Variants in KIF21B observed in about 807,000 individuals in gnomAD.
KIF21B encodes kinesin family member 21B.
A neutral mutation model predicts 192.9 loss-of-function variants in KIF21B; 85 were observed. That is an observed-to-expected ratio of 0.44 (90% CI 0.37 to 0.53). The LOEUF is 0.53. Ranked by LOEUF, KIF21B falls within the 20% of genes least tolerant of loss-of-function variation. The probability of loss-of-function intolerance (pLI) is 0.00; values close to 1 mark genes in which losing one functional copy is unlikely to be tolerated. For synonymous variants in KIF21B, 832 were observed against 884.6 expected, an observed-to-expected ratio of 0.94 and a Z score of 1.05; for missense variants, 1,716 against 2,194.8, an observed-to-expected ratio of 0.78 and a Z score of 4.36.
rs778810226 is a variant in KIF21B at position 200,981,100 on chromosome 1, C to A, written c.3843-4G>T. On this transcript the variant is annotated splice_region_variant and splice_polypyrimidine_tract_variant and intron_variant, in intron 28 of 34. Coordinates refer to ENST00000461742, the MANE Select transcript of KIF21B (RefSeq NM_001252102.2). Reference sequence around the variant, plus strand: ...TCCAACCGGGGAGATGATGCCCCTTCCCGGGAGAGAGGGAGAGAAGGCATG... The same window carrying A: ...TCCAACCGGGGAGATGATGCCCCTTACCGGGAGAGAGGGAGAGAAGGCATG... The A allele has an allele frequency of 6.3e-7, 1 of 1,580,368 alleles. No homozygotes were observed. The highest frequency in any genetic ancestry group is 2.3e-5 in the East Asian group (1 of 42,780).
chr1:201,017,482 C>T lies in KIF21B; in HGVS notation c.41+5861G>A, dbSNP rs1658574437. Among the ~76,000 whole-genome samples, 1 of 152,218 alleles carries T rather than the reference C, an allele frequency of 6.6e-6. No individual in the cohort carries two copies. Among genetic ancestry groups the T allele is most frequent in the Admixed American group, 6.5e-5 (1 of 15,288 alleles). The stretch of plus-strand genomic sequence containing the variant: ...CCCACCCCCATCTCAGGGCATCTGG[C>T]AGGGGTTTCCCATGACCTCCCCAGA... On this transcript the variant is annotated intron_variant, in intron 1 of 34. Coordinates refer to ENST00000461742, the MANE Select transcript of KIF21B (RefSeq NM_001252102.2). The surrounding 1 kb of genome is among the most constrained non-coding windows in gnomAD (Gnocchi z 4.1).
In KIF21B at chr1:200,990,809, C is replaced by T. The variant is rs1490075412; in HGVS notation, c.2688-86G>A. On this transcript the variant is annotated intron_variant, in intron 18 of 34. Transcript: ENST00000461742. The surrounding 1 kb of genome is among the most constrained non-coding windows in gnomAD (Gnocchi z 5.4). ...AGCCCCCATCTGGAGCTGACAGCCA[C>T]GGGGACCCGGAGCACTCCCCAGAGC... 6.9e-6 allele frequency: 11 copies of T among 1,592,550 alleles called. No homozygotes were observed. In the Admixed American group the frequency reaches 1.0e-4, roughly 15 times the overall value.
chr1:201,012,896 G>A (rs1283713030), intron 1 of KIF21B, among the ~76,000 whole-genome samples: 4 of 151,998 alleles, frequency 2.6e-5, no homozygotes, highest in Non-Finnish European at 5.9e-5. Flanking sequence ...CTCCCACCTC[G>A]GCCTCCCAAA....
chr1:200,973,581 G>C lies in KIF21B; in HGVS notation c.4815-3C>G. On this transcript the variant is annotated splice_polypyrimidine_tract_variant and splice_region_variant and intron_variant, in intron 34 of 34. Transcript: ENST00000461742. Reference sequence around the variant, plus strand: ...TCCAGAACTTCACCGTCAGGTCACTGGGGTGGAGGACAAAGTGGAGGGGTG... The same window carrying C: ...TCCAGAACTTCACCGTCAGGTCACTCGGGTGGAGGACAAAGTGGAGGGGTG... The C allele has an allele frequency of 6.6e-7, 1 of 1,520,990 alleles. No homozygotes were observed. Among genetic ancestry groups the C allele is most frequent in the Non-Finnish European group, 8.8e-7 (1 of 1,142,344 alleles). The allele number at this position is 1,520,990 out of a possible 1,614,324, so 94.2% of individuals were successfully genotyped here. A position where few individuals can be genotyped will look rare whatever the true frequency, so the allele number is the denominator to read the frequency against.
chr1:200,985,866 CAGTG>C (rs1656268223), intron 26 of KIF21B, among the ~76,000 whole-genome samples: 1 of 138,858 alleles, frequency 7.2e-6, no homozygotes, highest in African/African-American at 2.7e-5. Context: ...CTTTCTGAGA[CAGTG>C]AGTCTCACAC....
intron 3 of KIF21B, 151 bp downstream of exon 3, chr1:201,008,618 G>T (rs1021154577): frequency 7.9e-6 from 6 of 762,204 alleles, no homozygotes; most frequent in Non-Finnish European, 1.3e-5. Flanking sequence ...TCCAGCCCTT[G>T]CTTGGATTCT....
At chr1:200,996,007 T>G (rs1657036653) in intron 15 of KIF21B, among the ~76,000 whole-genome samples, 189 bp downstream of exon 15, 1 of 152,150 alleles carries the variant, frequency 6.6e-6, no homozygotes, top group Non-Finnish European at 1.5e-5. Context: ...GCAGGGTGTT[T>G]CACCTTGGAC....
In KIF21B at chr1:200,989,982, C is replaced by G; in HGVS notation, c.3092G>C (p.Arg1031Pro). 1.2e-6 allele frequency: 2 copies of G among 1,614,020 alleles called. No individual in the cohort carries two copies. The highest frequency in any genetic ancestry group is 1.7e-6 in the Non-Finnish European group (2 of 1,180,012). ...CTTGAGGAAGTTGTCTAGCAGGAGG[C>G]GGGCTTCAGCCAGGGAGCAGGAGCT... ...VISSCSLAEA[R>P]LLLDNFLKAS... Residue 1031 changes from arginine (R) to proline (P), a missense_variant, in exon 21 of 35, where the codon CGC (arginine) becomes CCC (proline). Physicochemically the swap from Arg to Pro is moderately radical, Grantham distance 103. Transcript: ENST00000461742.
In KIF21B at chr1:200,975,463, C is replaced by T. The variant is rs1557994958; in HGVS notation, c.4614+36G>A. On this transcript the variant is annotated intron_variant, in intron 33 of 34. Transcript: ENST00000461742. This position sits in a 1 kb window ranked among gnomAD's most constrained non-coding sequence, Gnocchi z 4.3. Reference sequence around the variant, plus strand: ...TGCGTGGGCTATGGAAACCACCCTACCCGAGTCTACCCTCTCCCTTTCCTC... The same window carrying T: ...TGCGTGGGCTATGGAAACCACCCTATCCGAGTCTACCCTCTCCCTTTCCTC... 2 of 1,580,602 alleles carry T rather than the reference C, an allele frequency of 1.3e-6. No homozygotes were observed. Among genetic ancestry groups the T allele is most frequent in the Non-Finnish European group, 1.7e-6 (2 of 1,156,862 alleles).
intron 15 of KIF21B, among the ~76,000 whole-genome samples, chr1:200,992,816 C>A (rs575497703): frequency 1.3e-5 from 2 of 152,362 alleles, no homozygotes; most frequent in Non-Finnish European, 2.9e-5. Context: ...TCAGGGCCCT[C>A]ATGGCCAGGC....
In KIF21B at chr1:200,999,375, T is replaced by C. The variant is rs755560786; in HGVS notation, c.1859A>G (p.Asp620Gly). ...CTTCTCCTCGGGGTCTGAGTCTGAGTCCACCAGGCTCTCTTCACTGCCCGA... is the reference window on the plus strand; with the variant it reads ...CTTCTCCTCGGGGTCTGAGTCTGAGCCCACCAGGCTCTCTTCACTGCCCGA... The part of the protein sequence containing the change: ...EDSGSEESLV[D>G]SDSDPEEKEV... The change falls in exon 13 of 35, where the codon GAC (aspartate) becomes GGC (glycine). Residue 620 changes from aspartate to glycine, a missense_variant. Around this residue, in one of 3 missense-constraint regions of KIF21B, gnomAD observed 1,087 missense variants for 1,316.6 expected, o/e 0.83. Coordinates refer to ENST00000461742, the MANE Select transcript of KIF21B (RefSeq NM_001252102.2). The surrounding 1 kb of genome is among the most constrained non-coding windows in gnomAD (Gnocchi z 4.7). The C allele has an allele frequency of 1.1e-5, 17 of 1,614,034 alleles. No individual in the cohort carries two copies. The highest frequency in any genetic ancestry group is 1.4e-5 in the Non-Finnish European group (17 of 1,180,002).
chr1:200,990,931 G>A lies in KIF21B; in HGVS notation c.2673C>T (p.Gly891=), dbSNP rs143940329. The part of the protein sequence containing the change: ...LGDHPAPTVN[G]TRPARKKFQK... ...GTCCACCTTACCGGGCAGGACGGGT[G>A]CCATTGACAGTGGGCGCAGGATGGT... The change falls in exon 18 of 35, where the codon GGC becomes GGT. Residue 891 remains glycine, a synonymous_variant. Coordinates refer to ENST00000461742, the MANE Select transcript of KIF21B (RefSeq NM_001252102.2). The surrounding 1 kb of genome is among the most constrained non-coding windows in gnomAD (Gnocchi z 5.4). The A allele has an allele frequency of 3.2e-5, 51 of 1,614,022 alleles. No individual in the cohort carries two copies. The highest frequency in any genetic ancestry group is 1.2e-4 in the Admixed American group (7 of 60,012).
At chr1:201,009,557 C>T in intron 1 of KIF21B, 69 bp from the exon 2 acceptor site, 1 of 1,426,378 alleles carries the variant, frequency 7.0e-7, no homozygotes, top group Admixed American at 2.0e-5. Context: ...CCCTCCCTCA[C>T]ACTGCCTGCC....
Position 200,972,806 on chromosome 1 carries a change from T to C in KIF21B, c.*715A>G, listed in dbSNP as rs296567. 0.13 allele frequency: 20,451 copies of C among 152,570 alleles called. 1,627 individuals are homozygous for C. The highest frequency in any genetic ancestry group is 0.18 in the Middle Eastern group (54 of 294). 9.5% of individuals were successfully genotyped at this position (152,570 alleles called of 1,614,324 possible). On this transcript the variant is annotated 3_prime_UTR_variant, in exon 35 of 35. Transcript: ENST00000461742. The stretch of plus-strand genomic sequence containing the variant: ...GGCCCCCAAGAGCTGAGGGAAAGAA[T>C]ATAGGGGAAGAAACTTCAAGTCCGT...
At chr1:200,974,160 C>T in intron 34 of KIF21B, 2 of 1,579,536 alleles carry the variant, frequency 1.3e-6, no homozygotes, top group Non-Finnish European at 1.7e-6. Flanking sequence ...GGGGTGAGTC[C>T]AGGGACGTAA....
chr1:201,008,505 G>A (rs923317893), intron 3 of KIF21B, among the ~76,000 whole-genome samples: 1 of 152,234 alleles, frequency 6.6e-6, no homozygotes, highest in Admixed American at 6.5e-5. Context: ...AGGCTAATCA[G>A]TGTCAGAGCT....
Position 201,000,901 on chromosome 1 carries a change from A to C in KIF21B, c.1403-121T>G, listed in dbSNP as rs1571949350. ...GGCGGGCGGATCACCTGAGGCTGGG[A>C]GTTCGAGACTAGCCTGACCAACATG... On this transcript the variant is annotated intron_variant, in intron 9 of 34. Transcript: ENST00000461742. This position sits in a 1 kb window ranked among gnomAD's most constrained non-coding sequence, Gnocchi z 6.0. 3.3e-6 allele frequency: 3 copies of C among 919,030 alleles called. No individual in the cohort carries two copies. The Admixed American group carries it at 5.7e-5, about 17-fold the overall frequency. The allele number at this position is 919,030 out of a possible 1,614,324, so 56.9% of individuals were successfully genotyped here.
rs892870652 is a variant in KIF21B at position 200,991,764 on chromosome 1, C to T, written c.2386-39G>A. 8 of 1,602,040 alleles carry T rather than the reference C, an allele frequency of 5.0e-6. No individual in the cohort carries two copies. In the African/African-American group the frequency reaches 5.4e-5, roughly 11 times the overall value. On this transcript the variant is annotated intron_variant, in intron 16 of 34. Transcript: ENST00000461742. ...AAGAGGGCTGGGCTCCACACTCAGG[C>T]ACCTTAGCCCTCTCTGTCTGTGTAC...
chr1:200,976,865 G>A lies in KIF21B; in HGVS notation c.4354C>T (p.His1452Tyr). The A allele has an allele frequency of 6.2e-7, 1 of 1,611,636 alleles. No homozygotes were observed. The highest frequency in any genetic ancestry group is 8.5e-7 in the Non-Finnish European group (1 of 1,178,132). ...GTCAGGCACATCACAGGGCCGATGTGGCCAGTCAGCTTGCCGACAGGCTGG... is the reference window on the plus strand; with the variant it reads ...GTCAGGCACATCACAGGGCCGATGTAGCCAGTCAGCTTGCCGACAGGCTGG... ...RFQPVGKLTGHIGPVMCLTVT... is the reference protein window; with the variant it reads ...RFQPVGKLTGYIGPVMCLTVT... The change falls in exon 32 of 35, where the codon CAC becomes TAC. Residue 1452 changes from histidine (H) to tyrosine (Y), a missense_variant. This residue lies in a region of KIF21B where 580 missense variants were observed against 775.5 expected (regional missense o/e 0.75). Transcript: ENST00000461742.
Sources: allele counts gnomAD v4.1 joint callset (sites outside exome capture counted in the v4.1 genomes callset), GRCh38; gene constraint gnomAD v4.1.1; regional missense constraint gnomAD v4.1.1; non-coding constraint Gnocchi (gnomAD v3.1); transcripts MANE v1.5; gene names NCBI Gene and HGNC (gene_info 2026-07-23, HGNC 2026-07-21).